The following ZNF521 variants were observed in gnomAD, a reference collection of about 807,000 sequenced individuals.
ZNF521 encodes the protein LYST-interacting protein 3.
ZNF521 carries 14 observed loss-of-function variants against 105.5 expected under a neutral mutation model. The ratio of observed to expected loss-of-function variants is 0.13; its 90% CI spans 0.09 to 0.21. The LOEUF (loss-of-function observed/expected upper bound fraction) is 0.21, where lower values mean the gene tolerates loss of function less well. Ranked by LOEUF, ZNF521 falls within the 10% of genes least tolerant of loss-of-function variation. The pLI is 1.00. For missense variants in ZNF521, 1,233 were observed against 1,629.7 expected (o/e 0.76, Z 4.19); for synonymous variants, 635 against 606.0 (o/e 1.05, Z -0.70).
intron 5 of ZNF521, among the ~76,000 whole-genome samples, chr18:25,170,120 CTTTT>C (rs543969497): frequency 7.0e-6 from 1 of 141,984 alleles, no homozygotes; most frequent in African/African-American, 2.6e-5. Context: ...TTCTTTCTTT[CTTTT>C]TTTTTTTTAA....
chr18:25,281,232 C>T (rs1314842038), intron 3 of ZNF521, among the ~76,000 whole-genome samples: 2 of 152,176 alleles, frequency 1.3e-5, no homozygotes, highest in Non-Finnish European at 2.9e-5. Context: ...ATGAGCAAAG[C>T]AAGAAGCAAT....
intron 4 of ZNF521, chr18:25,201,240 C>T (rs893509269): frequency 2.0e-5 from 3 of 152,022 alleles, no homozygotes; most frequent in Admixed American, 6.6e-5. Flanking sequence ...GTCACAAAAC[C>T]GTGTCTTCCT....
chr18:25,343,959 C>G (rs1039384363), intron 2 of ZNF521, among the ~76,000 whole-genome samples: 3 of 151,986 alleles, frequency 2.0e-5, no homozygotes, highest in African/African-American at 7.3e-5. Flanking sequence ...TATGTGCTGC[C>G]ATAATAATGA....
chr18:25,144,303 T>C (rs2034904108), intron 5 of ZNF521, among the ~76,000 whole-genome samples: 1 of 152,194 alleles, frequency 6.6e-6, no homozygotes, highest in African/African-American at 2.4e-5. Flanking sequence ...CTCTTGCTAC[T>C]CTTTTAGCCA....
chr18:25,281,253 C>T (rs1339978105), intron 3 of ZNF521, among the ~76,000 whole-genome samples: 3 of 152,196 alleles, frequency 2.0e-5, no homozygotes, highest in Admixed American at 6.5e-5. Flanking sequence ...CTCAAACACA[C>T]GTGAGGAAAT....
At chr18:25,069,051 TC>T (rs879771606) in intron 7 of ZNF521, among the ~76,000 whole-genome samples, 11 of 152,250 alleles carry the variant, frequency 7.2e-5, no homozygotes, top group Non-Finnish European at 1.6e-4. Context: ...TTTGTAGCAA[TC>T]TGCAACAGCT....
At chr18:25,117,513 C>T (rs901797657) in intron 5 of ZNF521, among the ~76,000 whole-genome samples, 2 of 151,812 alleles carry the variant, frequency 1.3e-5, no homozygotes, top group African/African-American at 4.8e-5. Context: ...TATAACTATG[C>T]TTAATGATAT....
intron 3 of ZNF521, among the ~76,000 whole-genome samples, chr18:25,235,008 A>G (rs560677907): frequency 2.0e-5 from 3 of 152,322 alleles, no homozygotes; most frequent in East Asian, 1.9e-4. Flanking sequence ...AAATATTCCA[A>G]AAAAACTCTT....
At chr18:25,280,144 C>T (rs557174559) in intron 3 of ZNF521, among the ~76,000 whole-genome samples, 1 of 152,332 alleles carries the variant, frequency 6.6e-6, no homozygotes, top group Non-Finnish European at 1.5e-5. Flanking sequence ...GCTGACTTCC[C>T]CTCATCGCTG....
chr18:25,334,233 T>C (rs879488615), intron 2 of ZNF521, among the ~76,000 whole-genome samples: 2 of 152,184 alleles, frequency 1.3e-5, no homozygotes, highest in Non-Finnish European at 2.9e-5. Context: ...AACTTTCTCT[T>C]AGAGGCAGAA....
At chr18:25,139,363 A>G (rs1294685971) in intron 5 of ZNF521, among the ~76,000 whole-genome samples, 1 of 121,000 alleles carries the variant, frequency 8.3e-6, no homozygotes, top group East Asian at 2.6e-4. Context: ...ACAGAGCAAG[A>G]CTCTGTCTCA....
intron 7 of ZNF521, among the ~76,000 whole-genome samples, chr18:25,066,888 T>C (rs2033076227): frequency 6.6e-6 from 1 of 152,216 alleles, no homozygotes. Flanking sequence ...CTCACCAATT[T>C]TACACAGCAA....
intron 3 of ZNF521, among the ~76,000 whole-genome samples, chr18:25,287,302 G>A (rs191405080): frequency 7.2e-5 from 11 of 151,996 alleles, no homozygotes; most frequent in African/African-American, 2.2e-4. Flanking sequence ...TGCCAACAAC[G>A]TACATATTGT....
At chr18:25,117,176 ATG>A (rs1251825093) in intron 5 of ZNF521, among the ~76,000 whole-genome samples, 2 of 151,286 alleles carry the variant, frequency 1.3e-5, no homozygotes, top group African/African-American at 4.9e-5. Context: ...TGTATACAGT[ATG>A]TGTTTCCCCA....
At chr18:25,155,881 A>T (rs181641754) in intron 5 of ZNF521, among the ~76,000 whole-genome samples, 1 of 152,226 alleles carries the variant, frequency 6.6e-6, no homozygotes, top group Non-Finnish European at 1.5e-5. Flanking sequence ...GCCAGGCACA[A>T]AAAGAAAAAT....
At position 25,343,957 on chromosome 18, in the gene ZNF521, G is replaced by A. The variant is rs546936125; in HGVS notation, c.40+6950C>T. Among the ~76,000 whole-genome samples, 7 of 152,160 alleles carry A rather than the reference G, an allele frequency of 4.6e-5. No homozygotes were observed. In the South Asian group the frequency reaches 1.5e-3, roughly 32 times the overall value. ...AGAAATACTAACTATAGTATGTGCT[G>A]CCATAATAATGATACCCACAAGATC... On this transcript the variant is annotated intron_variant, in intron 2 of 7. Transcript: ENST00000361524.
chr18:25,226,382 T>C lies in ZNF521; in HGVS notation c.1536A>G (p.Ala512=), dbSNP rs756727936. 1 of 1,614,132 alleles carries C rather than the reference T, an allele frequency of 6.2e-7. No individual in the cohort carries two copies. Among genetic ancestry groups the C allele is most frequent in the South Asian group, 1.1e-5 (1 of 91,080 alleles). Residue 512 remains alanine, a synonymous_variant, in exon 4 of 8, where the codon GCA becomes GCG. Coordinates refer to ENST00000361524, the MANE Select transcript of ZNF521 (RefSeq NM_015461.3). The surrounding 1 kb of genome is among the most constrained non-coding windows in gnomAD (Gnocchi z 4.1). ...FANPAAKDSN[A]FFCPHCYMGF... ...CCATATAGCAATGGGGACAAAAGAA[T>C]GCATTACTATCTTTAGCTGCAGGGT...
chr18:25,117,074 C>A (rs1428439437), intron 5 of ZNF521, among the ~76,000 whole-genome samples: 1 of 16,850 alleles, frequency 5.9e-5, no homozygotes, highest in African/African-American at 9.2e-5. Context: ...CACACACACA[C>A]ACACACACAT....
chr18:25,219,504 C>T lies in ZNF521; in HGVS notation c.3573+4841G>A, dbSNP rs185315350. Among the ~76,000 whole-genome samples, 263 of 152,186 alleles carry T rather than the reference C, an allele frequency of 1.7e-3. 1 individual carries two copies. Among genetic ancestry groups the T allele is most frequent in the African/African-American group, 5.8e-3 (241 of 41,508 alleles). On this transcript the variant is annotated intron_variant, in intron 4 of 7. Coordinates refer to ENST00000361524, the MANE Select transcript of ZNF521 (RefSeq NM_015461.3). The stretch of plus-strand genomic sequence containing the variant: ...TAGCAGGCAGCTGTTTATATGAGTC[C>T]GAAACTCAGAGCAAAGATGTGAGTT...
Sources: allele counts gnomAD v4.1 joint callset (sites outside exome capture counted in the v4.1 genomes callset), GRCh38; gene constraint gnomAD v4.1.1; non-coding constraint Gnocchi (gnomAD v3.1); transcripts MANE v1.5; gene names NCBI Gene and HGNC (gene_info 2026-07-23, HGNC 2026-07-21).